Variants in KIF14 observed in about 807,000 individuals in gnomAD.
The protein encoded by KIF14 is kinesin-like protein KIF14.
KIF14 carries 98 observed loss-of-function variants against 176.2 expected under a neutral mutation model. The observed-to-expected ratio is 0.56, with a 90% confidence interval of 0.47 to 0.66. KIF14 has a LOEUF of 0.66. Among genes scored for constraint, KIF14 ranks in the 30% least tolerant of loss-of-function variants. The pLI is 0.00. For synonymous variants in KIF14, 566 were observed against 632.2 expected, an observed-to-expected ratio of 0.90 and a Z score of 1.57; for missense variants, 1,751 against 1,920.4, an observed-to-expected ratio of 0.91 and a Z score of 1.65.
chr1:200,555,343 A>G, intron 28 of KIF14, 37 bp downstream of exon 28: 2 of 1,317,782 alleles, frequency 1.5e-6, no homozygotes, highest in Non-Finnish European at 2.1e-6. Context: ...ATGATAAAAA[A>G]TAAGCAAAAT....
Position 200,590,215 on chromosome 1 carries a change from T to C in KIF14, c.2871A>G (p.Gly957=). Residue 957 remains glycine, a synonymous_variant, in exon 17 of 30, where the codon GGA becomes GGG. Transcript: ENST00000367350. Reference sequence around the variant, plus strand: ...GAGCCATTTCTTTTGCAATCTGGATTCCTTGCATCATTTCTTCCTTTGCCT... The same window carrying C: ...GAGCCATTTCTTTTGCAATCTGGATCCCTTGCATCATTTCTTCCTTTGCCT... ...QLKAKEEMMQ[G]IQIAKEMAQQ... 1.2e-6 allele frequency: 2 copies of C among 1,613,940 alleles called. No homozygotes were observed. The highest frequency in any genetic ancestry group is 2.2e-5 in the East Asian group (1 of 44,878).
rs530339903 is a variant in KIF14, at chr1:200,575,841, T to C, written c.3466-150A>G. 18 of 415,712 alleles carry C rather than the reference T, an allele frequency of 4.3e-5. No homozygotes were observed. In the East Asian group the frequency reaches 6.4e-4, roughly 15 times the overall value. 25.8% of individuals were successfully genotyped at this position (415,712 alleles called of 1,614,324 possible). ...GATAAGTCTAAAAAATCATTCCTGA[T>C]CAAATTAAAAGTCAATCACACGATG... On this transcript the variant is annotated intron_variant, in intron 21 of 29. Coordinates refer to ENST00000367350, the MANE Select transcript of KIF14 (RefSeq NM_014875.3).
At chr1:200,565,024 A>G (rs775572694) in intron 25 of KIF14, 45 bp downstream of exon 25, 5 of 1,451,682 alleles carry the variant, frequency 3.4e-6, no homozygotes, top group Non-Finnish European at 3.8e-6. Context: ...CCAATAAATA[A>G]TTATTAAATG....
Position 200,560,808 on chromosome 1 carries a change from C to T in KIF14, c.4144G>A (p.Val1382Ile), listed in dbSNP as rs1161374743. Reference protein sequence around the residue: ...KNAIQIVQQAVKYVGQLAVLK... With the variant: ...KNAIQIVQQAIKYVGQLAVLK... Reference sequence around the variant, plus strand: ...ACTGCTAACTGCCCCACATACTTTACAGCTTGTTGTACAATTTGGATTGCA... The same window carrying T: ...ACTGCTAACTGCCCCACATACTTTATAGCTTGTTGTACAATTTGGATTGCA... Residue 1382 changes from valine to isoleucine, a missense_variant, in exon 26 of 30, where the codon GTA (valine) becomes ATA (isoleucine). Coordinates refer to ENST00000367350, the MANE Select transcript of KIF14 (RefSeq NM_014875.3). 3.1e-6 allele frequency: 5 copies of T among 1,614,018 alleles called. No homozygotes were observed. The highest frequency in any genetic ancestry group is 1.7e-5 in the Admixed American group (1 of 60,006).
chr1:200,561,975 A>G (rs1657187419), intron 25 of KIF14, among the ~76,000 whole-genome samples: 1 of 152,180 alleles, frequency 6.6e-6, no homozygotes, highest in African/African-American at 2.4e-5. Context: ...GACTTCCCAC[A>G]TGCACTCAGA....
rs1659465665 is a variant in KIF14 at position 200,598,340 on chromosome 1, G to A, written c.2446C>T (p.Leu816=). Residue 816 remains leucine, a synonymous_variant, in exon 14 of 30, where the codon CTG becomes TTG. Coordinates refer to ENST00000367350, the MANE Select transcript of KIF14 (RefSeq NM_014875.3). The part of the protein sequence containing the change: ...LNEDPQLSEM[L]LYMIKEGTTT... ...GTTCCTTCTTTTATCATATATAGCA[G>A]CATCTCAGATAGTTGTGGATCTTCA... The A allele has an allele frequency of 6.2e-7, 1 of 1,612,578 alleles. No homozygotes were observed. Among genetic ancestry groups the A allele is most frequent in the African/African-American group, 1.3e-5 (1 of 74,820 alleles).
chr1:200,590,381 A>T, intron 16 of KIF14, 109 bp from the exon 17 acceptor site: 1 of 955,688 alleles, frequency 1.0e-6, no homozygotes, highest in Non-Finnish European at 1.5e-6. Flanking sequence ...TTTCAATCTT[A>T]AAACTTGATT....
chr1:200,615,266 A>C, intron 3 of KIF14, 89 bp downstream of exon 3: 1 of 1,340,634 alleles, frequency 7.5e-7, no homozygotes. Context: ...TGTGATTTCA[A>C]AACTATATTC....
chr1:200,597,081 G>T (rs546642999), intron 14 of KIF14, among the ~76,000 whole-genome samples: 1 of 151,314 alleles, frequency 6.6e-6, no homozygotes, highest in East Asian at 1.9e-4. Flanking sequence ...TGTATTTTTA[G>T]TAGAGACAGG....
At chr1:200,620,017 TC>T (rs2102798705) in intron 1 of KIF14, among the ~76,000 whole-genome samples, 2 of 152,342 alleles carry the variant, frequency 1.3e-5, no homozygotes, top group African/African-American at 4.8e-5. Context: ...TGACACTGGT[TC>T]AAACTATTGC....
At chr1:200,572,560 G>C (rs942515724) in intron 22 of KIF14, among the ~76,000 whole-genome samples, 1 of 152,070 alleles carries the variant, frequency 6.6e-6, no homozygotes, top group Non-Finnish European at 1.5e-5. Context: ...AGCCAGGATG[G>C]TCTCAATCTC....
At chr1:200,576,477 C>CAAAAA (rs34294441) in intron 21 of KIF14, among the ~76,000 whole-genome samples, 4 of 87,494 alleles carry the variant, frequency 4.6e-5, no homozygotes, top group East Asian at 4.3e-4. Context: ...GACTCCGTCT[C>CAAAAA]AAAAAAAAAA....
chr1:200,587,944 T>C (rs1448691695), intron 18 of KIF14, among the ~76,000 whole-genome samples: 1 of 152,200 alleles, frequency 6.6e-6, no homozygotes, highest in African/African-American at 2.4e-5. Context: ...AGTAGATGTA[T>C]AATAACTGTA....
intron 24 of KIF14, 25 bp from the exon 25 acceptor site, chr1:200,565,278 T>C (rs1657385891): frequency 6.4e-7 from 1 of 1,567,108 alleles, no homozygotes; most frequent in African/African-American, 1.4e-5. Context: ...GAAAAATTAC[T>C]GAATGAAATA....
intron 14 of KIF14, among the ~76,000 whole-genome samples, chr1:200,594,296 G>C (rs1659210034): frequency 6.7e-6 from 1 of 148,516 alleles, no homozygotes; most frequent in Non-Finnish European, 1.5e-5. Flanking sequence ...ATCCACCTGT[G>C]GTGGGAACAT....
chr1:200,581,050 G>A, intron 20 of KIF14, 151 bp downstream of exon 20: 1 of 389,280 alleles, frequency 2.6e-6, no homozygotes, highest in Non-Finnish European at 4.6e-6. Flanking sequence ...GGAGGTGGAG[G>A]TTGCAGTGAG....
At chr1:200,584,159 A>G (rs1304657492) in intron 19 of KIF14, among the ~76,000 whole-genome samples, 1 of 149,826 alleles carries the variant, frequency 6.7e-6, no homozygotes, top group Admixed American at 6.7e-5. Flanking sequence ...CGGAGGTTGC[A>G]GTAAGCTGAG....
At chr1:200,580,532 C>A in intron 20 of KIF14, 149 bp from the exon 21 acceptor site, 1 of 376,576 alleles carries the variant, frequency 2.7e-6, no homozygotes, top group Admixed American at 4.7e-5. Context: ...TAGTAATAAT[C>A]ATATAAGTAT....
intron 22 of KIF14, among the ~76,000 whole-genome samples, chr1:200,574,343 T>C (rs1045153841): frequency 1.3e-5 from 2 of 152,150 alleles, no homozygotes; most frequent in African/African-American, 4.8e-5. Context: ...AACACGACTT[T>C]CCCCTAGTCA....
Sources: allele counts gnomAD v4.1 joint callset (sites outside exome capture counted in the v4.1 genomes callset), GRCh38; gene constraint gnomAD v4.1.1; transcripts MANE v1.5; gene names NCBI Gene and HGNC (gene_info 2026-07-23, HGNC 2026-07-21).